Variants in NUP214 observed in about 807,000 individuals in gnomAD.
The protein encoded by NUP214 is nucleoporin 214, also known as nuclear pore complex protein Nup214.
Under a neutral mutation model 196.2 loss-of-function variants are expected in NUP214, and 79 were observed. The ratio of observed to expected loss-of-function variants is 0.40; its 90% confidence interval spans 0.34 to 0.49. The LOEUF is 0.49. NUP214 is among the 20% of genes least tolerant of loss of function. The pLI is 0.58. For missense variants in NUP214, 2,468 were observed against 2,539.0 expected, an observed-to-expected ratio of 0.97 and a Z score of 0.60; for synonymous variants, 1,020 against 990.5, an observed-to-expected ratio of 1.03 and a Z score of -0.56.
chr9:131,159,067 T>A (rs931286761), intron 17 of NUP214: 5 of 214,832 alleles, frequency 2.3e-5, no homozygotes, highest in African/African-American at 1.1e-4. Flanking sequence ...AAAGTTTTTT[T>A]ATGTAACTTT....
intron 30 of NUP214, among the ~76,000 whole-genome samples, chr9:131,202,685 G>A (rs1470026716): frequency 2.0e-5 from 3 of 151,802 alleles, no homozygotes; most frequent in Non-Finnish European, 4.4e-5. Context: ...AGGGTGATCT[G>A]CCCGCCTTGG....
intron 21 of NUP214, among the ~76,000 whole-genome samples, chr9:131,170,983 A>T (rs1346695443): frequency 7.4e-6 from 1 of 135,598 alleles, no homozygotes; most frequent in African/African-American, 2.7e-5. Flanking sequence ...TTGTCTCCCC[A>T]CCCTCCCTGC....
At chr9:131,217,360 A>G (rs915318577) in intron 31 of NUP214, among the ~76,000 whole-genome samples, 3 of 152,238 alleles carry the variant, frequency 2.0e-5, no homozygotes, top group Non-Finnish European at 4.4e-5. Context: ...GATCTTAGAA[A>G]TCAAGTCTAG....
chr9:131,233,314 C>A, intron 35 of NUP214, 140 bp from the exon 36 acceptor site: 1 of 764,106 alleles, frequency 1.3e-6, no homozygotes, highest in Non-Finnish European at 2.0e-6. Flanking sequence ...CCAGCCTGGG[C>A]AATAGAGTGA....
rs1388262156 is a variant in NUP214 at position 131,151,913 on chromosome 9, TC to T, written c.2436+20del. On this transcript the variant is annotated intron_variant, in intron 17 of 35. Transcript: ENST00000359428. ...GCTTCAGGTAGGAGATCTATGTAAATCTGTTTAAAAGATTTAAAAACAAGCT... is the reference window on the plus strand; with the variant it reads ...GCTTCAGGTAGGAGATCTATGTAAATTGTTTAAAAGATTTAAAAACAAGCT... 1 of 1,572,742 alleles carries T rather than the reference TC, an allele frequency of 6.4e-7. No individual in the cohort carries two copies.
chr9:131,198,154 G>A lies in NUP214; in HGVS notation c.4660G>A (p.Ala1554Thr). 6.2e-7 allele frequency: 1 copy of A among 1,614,196 alleles called. No individual in the cohort carries two copies. Among genetic ancestry groups the A allele is most frequent in the South Asian group, 1.1e-5 (1 of 91,078 alleles). Residue 1554 changes from alanine to threonine, a missense_variant, in exon 29 of 36, where the codon GCA (alanine) becomes ACA (threonine). This residue lies in a region of NUP214 where 1,801 missense variants were observed against 1,779.4 expected (regional missense o/e 1.01). Transcript: ENST00000359428. ...GCCTGCAGTCAGCAACTCTGGCACT[G>A]CAGCATCTAGTACTAGTCTTGTAGC... The part of the protein sequence containing the change: ...AQPAVSNSGT[A>T]ASSTSLVALS...
chr9:131,126,288 T>C (rs1258152116), intron 1 of NUP214: 1 of 154,042 alleles, frequency 6.5e-6, no homozygotes. Flanking sequence ...TTGACCTCGG[T>C]ATATCAGCCT....
intron 17 of NUP214, among the ~76,000 whole-genome samples, chr9:131,154,720 GT>G (rs1272881161): frequency 2.6e-5 from 4 of 152,194 alleles, no homozygotes; most frequent in Admixed American, 2.6e-4. Context: ...ATGGTGTTTG[GT>G]TTTCAATTCC....
At chr9:131,174,457 T>TC in intron 22 of NUP214, 139 bp downstream of exon 22, 3 of 794,096 alleles carry the variant, frequency 3.8e-6, no homozygotes, top group South Asian at 2.4e-5. Context: ...CTTTTTTTCT[T>TC]TTTTTTTTTG....
rs1833485765 is a variant in NUP214 at position 131,187,420 on chromosome 9, T to C, written c.3495+56T>C. The C allele has an allele frequency of 9.0e-6, 12 of 1,329,628 alleles. 1 individual carries two copies. In the African/African-American group the frequency reaches 1.1e-4, roughly 12 times the overall value. 82.4% of individuals were successfully genotyped at this position (1,329,628 alleles called of 1,614,324 possible). A position where few individuals can be genotyped will look rare whatever the true frequency, so the allele number is the denominator to read the frequency against. ...TTTTTTTTTTGAGACAGAGTCTTAC[T>C]CTGTCGCCCAGGCTCAAGTGCAGTG... On this transcript the variant is annotated intron_variant, in intron 25 of 35. Transcript: ENST00000359428.
At chr9:131,150,837 G>T in intron 16 of NUP214, 72 bp downstream of exon 16, 1 of 1,399,958 alleles carries the variant, frequency 7.1e-7, no homozygotes, top group Non-Finnish European at 9.7e-7. Context: ...ACTCCATGGG[G>T]TTATGTACTT....
At position 131,127,550 on chromosome 9, in the gene NUP214, G is replaced by A. The variant is rs1831399702; in HGVS notation, c.72G>A (p.Lys24=). The A allele has an allele frequency of 6.2e-7, 1 of 1,613,128 alleles. No homozygotes were observed. The highest frequency in any genetic ancestry group is 8.5e-7 in the Non-Finnish European group (1 of 1,179,706). Residue 24 remains lysine, a synonymous_variant, in exon 2 of 36, where the codon AAG becomes AAA. Coordinates refer to ENST00000359428, the MANE Select transcript of NUP214 (RefSeq NM_005085.4). ...ATTTTCAGTTTAGAGCGCTAAAGAAGGTGAGAATCTTTGACTCCCCTGAGG... is the reference window on the plus strand; with the variant it reads ...ATTTTCAGTTTAGAGCGCTAAAGAAAGTGAGAATCTTTGACTCCCCTGAGG... ...MKDFQFRALK[K]VRIFDSPEEL...
intron 18 of NUP214, 138 bp from the exon 19 acceptor site, chr9:131,162,853 C>G (rs1437733961): frequency 2.6e-6 from 2 of 774,098 alleles, no homozygotes; most frequent in African/African-American, 1.8e-5. Context: ...CTAGTAATTT[C>G]TTAATGGTTC....
chr9:131,216,725 C>T (rs1834410350), intron 31 of NUP214, among the ~76,000 whole-genome samples: 2 of 151,332 alleles, frequency 1.3e-5, no homozygotes, highest in Admixed American at 6.6e-5. Flanking sequence ...CGGGGTTTTA[C>T]CATGTTGGCC....
Position 131,133,216 on chromosome 9 carries a change from C to CTG in NUP214, c.831+10_831+11dup. ...GGTGATGGCTCTACTACCGGTATGC[C>CTG]TGTGGAAGAAATTTCATTGTTTGAG... On this transcript the variant is annotated splice_region_variant and intron_variant, in intron 7 of 35. Coordinates refer to ENST00000359428, the MANE Select transcript of NUP214 (RefSeq NM_005085.4). The CTG allele has an allele frequency of 6.7e-7, 1 of 1,487,432 alleles. No homozygotes were observed. Among genetic ancestry groups the CTG allele is most frequent in the East Asian group, 2.6e-5 (1 of 38,978 alleles). 92.1% of individuals were successfully genotyped at this position (1,487,432 alleles called of 1,614,324 possible).
intron 24 of NUP214, among the ~76,000 whole-genome samples, chr9:131,184,852 C>T (rs944918018): frequency 1.3e-5 from 2 of 152,168 alleles, no homozygotes; most frequent in African/African-American, 4.8e-5. Context: ...GTCAAAAACG[C>T]CCAAGAATTG....
chr9:131,184,227 A>C (rs996561601), intron 24 of NUP214, among the ~76,000 whole-genome samples: 25 of 151,166 alleles, frequency 1.7e-4, no homozygotes, highest in Middle Eastern at 3.4e-3. Flanking sequence ...GACGGGGTTT[A>C]ACCATGTTGG....
intron 32 of NUP214, among the ~76,000 whole-genome samples, chr9:131,225,522 C>T (rs1325107873): frequency 6.6e-6 from 1 of 152,226 alleles, no homozygotes; most frequent in Admixed American, 6.5e-5. Context: ...GAAACTAATA[C>T]TTAGATTGAG....
At chr9:131,225,957 A>G (rs946924424) in intron 32 of NUP214, among the ~76,000 whole-genome samples, 69 of 152,322 alleles carry the variant, frequency 4.5e-4, no homozygotes, top group African/African-American at 1.6e-3. Flanking sequence ...CACCATGGTC[A>G]GTGGTCTACA....
Sources: gnomAD v4.1 joint callset for allele counts (sites outside exome capture counted in the v4.1 genomes callset) on GRCh38, gnomAD v4.1.1 for gene constraint, gnomAD v4.1.1 regional missense constraint, MANE v1.5 for transcripts, NCBI Gene and HGNC (gene_info 2026-07-23, HGNC 2026-07-21) for gene names.